PTPN4: variants seen among roughly 807,000 people sequenced by gnomAD.
PTPN4 encodes protein tyrosine phosphatase non-receptor type 4, also known as tyrosine-protein phosphatase non-receptor type 4.
Under a neutral mutation model 135.5 loss-of-function variants are expected in PTPN4, and 49 were observed. That is an observed-to-expected ratio of 0.36 (90% CI 0.29 to 0.46). The LOEUF (loss-of-function observed/expected upper bound fraction) is 0.46. PTPN4 is among the 20% of genes least tolerant of loss of function. PTPN4 has a pLI of 1.00. For synonymous variants in PTPN4, 333 were observed against 369.9 expected, an observed-to-expected ratio of 0.90 and a Z score of 1.14; for missense variants, 860 against 1,101.0, an observed-to-expected ratio of 0.78 and a Z score of 3.10.
chr2:119,782,478 A>G (rs1690959090), intron 1 of PTPN4, among the ~76,000 whole-genome samples: 2 of 152,156 alleles, frequency 1.3e-5, no homozygotes, highest in African/African-American at 2.4e-5. Flanking sequence ...ATGTTTAGTC[A>G]TCCTATGTGG....
At chr2:119,800,456 T>TA (rs536706756) in intron 1 of PTPN4, among the ~76,000 whole-genome samples, 1 of 151,850 alleles carries the variant, frequency 6.6e-6, no homozygotes, top group South Asian at 2.1e-4. Flanking sequence ...TTTTTTTTTT[T>TA]ACTGTTGAGT....
chr2:119,785,067 G>T (rs1691023081), intron 1 of PTPN4, among the ~76,000 whole-genome samples: 1 of 152,090 alleles, frequency 6.6e-6, no homozygotes, highest in East Asian at 1.9e-4. Context: ...ATCATTATTT[G>T]TATGATTGTC....
intron 2 of PTPN4, among the ~76,000 whole-genome samples, chr2:119,822,327 C>G (rs1425836060): frequency 1.3e-5 from 2 of 149,940 alleles, no homozygotes; most frequent in East Asian, 2.0e-4. Flanking sequence ...CACATGCTTT[C>G]TATCTTCCAA....
At chr2:119,803,738 A>T (rs1691416436) in intron 1 of PTPN4, among the ~76,000 whole-genome samples, 2 of 152,132 alleles carry the variant, frequency 1.3e-5, no homozygotes, top group Admixed American at 1.3e-4. Context: ...AATTATTGAG[A>T]AAGGGGAGTT....
intron 15 of PTPN4, among the ~76,000 whole-genome samples, chr2:119,935,970 A>C (rs1220959824): frequency 6.6e-6 from 1 of 152,208 alleles, no homozygotes. Context: ...TTTTCCAAAG[A>C]AAGACATATA....
chr2:119,976,697 T>C (rs1679622874), intron 26 of PTPN4, among the ~76,000 whole-genome samples: 1 of 152,242 alleles, frequency 6.6e-6, no homozygotes, highest in Non-Finnish European at 1.5e-5. Context: ...GGTGAAGAGG[T>C]AAATTAGGTT....
chr2:119,844,154 G>A (rs1244878769), intron 2 of PTPN4, among the ~76,000 whole-genome samples: 4 of 71,920 alleles, frequency 5.6e-5, no homozygotes. Flanking sequence ...GCGGGGGGCC[G>A]ACGCCCCCCA....
intron 11 of PTPN4, among the ~76,000 whole-genome samples, chr2:119,917,189 A>C (rs1678665916): frequency 6.6e-6 from 1 of 152,222 alleles, no homozygotes; most frequent in South Asian, 2.1e-4. Context: ...GTAAAAGACC[A>C]GTCATTTTCA....
At position 119,955,461 on chromosome 2, in the gene PTPN4, C is replaced by G. The variant is rs1359511755; in HGVS notation, c.1980+138C>G. 6.6e-6 allele frequency: 5 copies of G among 756,794 alleles called. No homozygotes were observed. The East Asian group carries it at 1.3e-4, about 20-fold the overall frequency. 46.9% of individuals were successfully genotyped at this position (756,794 alleles called of 1,614,324 possible). On this transcript the variant is annotated intron_variant, in intron 20 of 26. Coordinates refer to ENST00000263708, the MANE Select transcript of PTPN4 (RefSeq NM_002830.4). ...TGAGAAATGTTTGACATAAAGAGTT[C>G]TAAAATGCCAAGTTTTAAAAATTGC...
At chr2:119,924,498 T>G (rs952268305) in intron 12 of PTPN4, among the ~76,000 whole-genome samples, 2 of 152,144 alleles carry the variant, frequency 1.3e-5, no homozygotes, top group Non-Finnish European at 2.9e-5. Context: ...TCTTTTTATA[T>G]TTTTCTATGT....
chr2:119,882,542 G>T lies in PTPN4; in HGVS notation c.506G>T (p.Gly169Val), dbSNP rs772967122. 88 of 1,550,412 alleles carry T rather than the reference G, an allele frequency of 5.7e-5. No homozygotes were observed. The highest frequency in any genetic ancestry group is 7.6e-5 in the Non-Finnish European group (87 of 1,140,720). The change falls in exon 8 of 27, where the codon GGC becomes GTC. Residue 169 changes from glycine to valine, a missense_variant. Physicochemically the swap from Gly to Val is moderately radical, Grantham distance 109. This residue lies in a region of PTPN4 where 684 missense variants were observed against 807.0 expected (regional missense o/e 0.85). Coordinates refer to ENST00000263708, the MANE Select transcript of PTPN4 (RefSeq NM_002830.4). Reference sequence around the variant, plus strand: ...TACGATCAGTCAGAGAACTTGTCAGGCTACCTCTCAGATTATTCTTTCATT... The same window carrying T: ...TACGATCAGTCAGAGAACTTGTCAGTCTACCTCTCAGATTATTCTTTCATT... ...GDYDQSENLS[G>V]YLSDYSFIPN... is the part of the protein sequence containing the mutation.
intron 2 of PTPN4, among the ~76,000 whole-genome samples, chr2:119,833,647 G>A (rs759527026): frequency 8.5e-5 from 13 of 152,098 alleles, no homozygotes; most frequent in South Asian, 4.2e-4. Flanking sequence ...TTACGGATGC[G>A]TTCCTGAAGA....
intron 5 of PTPN4, among the ~76,000 whole-genome samples, chr2:119,880,511 G>A (rs1024947324): frequency 6.6e-6 from 1 of 151,490 alleles, no homozygotes; most frequent in Admixed American, 6.6e-5. Context: ...CTCATTGCAA[G>A]CTCTGCCTCC....
intron 10 of PTPN4, among the ~76,000 whole-genome samples, chr2:119,911,052 C>A (rs905056159): frequency 4.6e-5 from 7 of 152,104 alleles, no homozygotes; most frequent in African/African-American, 1.7e-4. Context: ...ACCTTTTGAA[C>A]ATTAGAACTC....
intron 5 of PTPN4, among the ~76,000 whole-genome samples, chr2:119,879,103 AAAAC>A (rs1445249223): frequency 6.6e-5 from 10 of 151,852 alleles, no homozygotes; most frequent in Admixed American, 3.3e-4. Context: ...AAAAAAAAAA[AAAAC>A]AAAAATGAAA....
chr2:119,939,683 G>T (rs778115926), intron 15 of PTPN4, among the ~76,000 whole-genome samples: 2 of 152,028 alleles, frequency 1.3e-5, no homozygotes, highest in Non-Finnish European at 2.9e-5. Context: ...ATGAATCTCC[G>T]CAGCTTTGTC....
chr2:119,766,131 C>A (rs1310871800), intron 1 of PTPN4, among the ~76,000 whole-genome samples: 2 of 152,108 alleles, frequency 1.3e-5, no homozygotes, highest in Non-Finnish European at 2.9e-5. Flanking sequence ...CCCCTCCCCA[C>A]CCTGCCCCAG....
At chr2:119,862,416 C>T (rs768094618) in intron 2 of PTPN4, 120 bp from the exon 3 acceptor site, 15 of 778,592 alleles carry the variant, frequency 1.9e-5, no homozygotes, top group Admixed American at 5.7e-5. Flanking sequence ...ACACAAAAAA[C>T]GTTTGCTACC....
chr2:119,944,604 T>G (rs1026597070), intron 15 of PTPN4, among the ~76,000 whole-genome samples: 1 of 152,194 alleles, frequency 6.6e-6, no homozygotes, highest in Non-Finnish European at 1.5e-5. Flanking sequence ...TACTCAGATT[T>G]CCAATCCTCA....
Sources: gnomAD v4.1 joint callset for allele counts (sites outside exome capture counted in the v4.1 genomes callset) on GRCh38, gnomAD v4.1.1 for gene constraint, gnomAD v4.1.1 regional missense constraint, MANE v1.5 for transcripts, NCBI Gene and HGNC (gene_info 2026-07-23, HGNC 2026-07-21) for gene names.